The following HIP1 variants were observed in gnomAD, a reference collection of about 807,000 sequenced individuals.
HIP1 encodes huntingtin-interacting protein 1.
A neutral mutation model predicts 147.6 loss-of-function variants in HIP1; 65 were observed. The observed-to-expected ratio is 0.44, with a 90% CI of 0.36 to 0.54. The LOEUF (loss-of-function observed/expected upper bound fraction) is 0.54, where lower values mean the gene tolerates loss of function less well. Among genes scored for constraint, HIP1 ranks in the 20% least tolerant of loss-of-function variants. The pLI, the probability that HIP1 is intolerant of heterozygous loss-of-function variation, is 0.00. For missense variants in HIP1, 1,061 were observed against 1,299.6 expected, an observed-to-expected ratio of 0.82 and a Z score of 2.82; for synonymous variants, 479 against 504.0, an observed-to-expected ratio of 0.95 and a Z score of 0.67.
Position 75,537,674 on chromosome 7 carries a change from T to A in HIP1, c.*498A>T. The A allele has an allele frequency of 4.2e-6, 1 of 235,580 alleles. No homozygotes were observed. Among genetic ancestry groups the A allele is most frequent in the Non-Finnish European group, 8.3e-6 (1 of 119,868 alleles). The allele number at this position is 235,580 out of a possible 1,614,324, so 14.6% of individuals were successfully genotyped here. On this transcript the variant is annotated 3_prime_UTR_variant, in exon 31 of 31. Transcript: ENST00000336926. ...TGCAGATCTCAGGGTAGTGTCCTGG[T>A]TTGGAATCCATCAGCCCTCTGATGC...
intron 1 of HIP1, among the ~76,000 whole-genome samples, chr7:75,727,028 A>C (rs1291808793): frequency 1.3e-5 from 2 of 152,002 alleles, no homozygotes; most frequent in South Asian, 2.1e-4. Context: ...ATGAAGCTGC[A>C]CACCATTTCA....
At chr7:75,610,376 A>T (rs797028917) in intron 1 of HIP1, among the ~76,000 whole-genome samples, 7 of 149,778 alleles carry the variant, frequency 4.7e-5, no homozygotes, top group African/African-American at 1.7e-4. Context: ...CACCCAGCTA[A>T]TTTTTTTGTA....
chr7:75,663,947 T>TATATGTGTATATATATAC (rs1799400540), intron 1 of HIP1, among the ~76,000 whole-genome samples: 1 of 104,426 alleles, frequency 9.6e-6, no homozygotes, highest in South Asian at 3.2e-4. Flanking sequence ...TATATATATA[T>TATATGTGTATATATATAC]ACACATATAT....
chr7:75,607,141 G>A (rs1249746796), intron 1 of HIP1, among the ~76,000 whole-genome samples: 3 of 151,662 alleles, frequency 2.0e-5, no homozygotes, highest in South Asian at 2.1e-4. Flanking sequence ...GGCTTAGGTG[G>A]GAGGATTACT....
At chr7:75,553,325 A>G (rs782027898) in intron 22 of HIP1, 128 bp downstream of exon 22, 7 of 1,234,372 alleles carry the variant, frequency 5.7e-6, no homozygotes, top group Non-Finnish European at 7.9e-6. Context: ...AATTTTAACA[A>G]TCTCTTTCTA....
chr7:75,612,094 G>C (rs893087770), intron 1 of HIP1, among the ~76,000 whole-genome samples: 6 of 152,344 alleles, frequency 3.9e-5, no homozygotes, highest in Admixed American at 1.3e-4. Context: ...GCTCACAAAG[G>C]TCCCACGGCA....
intron 1 of HIP1, among the ~76,000 whole-genome samples, chr7:75,647,075 C>T (rs1554511208): frequency 6.6e-6 from 1 of 151,758 alleles, no homozygotes; most frequent in African/African-American, 2.4e-5. Context: ...CAAAACTGTG[C>T]GTGGACATGG....
chr7:75,582,311 C>T (rs1306926913), intron 5 of HIP1, among the ~76,000 whole-genome samples, 160 bp from the exon 6 acceptor site: 2 of 152,058 alleles, frequency 1.3e-5, no homozygotes, highest in Non-Finnish European at 2.9e-5. Context: ...AAGGCCACTG[C>T]ACTCCAGCTT....
intron 1 of HIP1, among the ~76,000 whole-genome samples, chr7:75,669,234 A>G (rs2905867): frequency 0.7 from 105,986 of 151,742 alleles, 37,341 homozygotes; most frequent in African/African-American, 0.78. Context: ...TTAGGCTGGC[A>G]TGGCGGCGGG....
At chr7:75,555,305 C>T in intron 19 of HIP1, 111 bp downstream of exon 19, 1 of 1,300,874 alleles carries the variant, frequency 7.7e-7, no homozygotes, top group Non-Finnish European at 1.1e-6. Context: ...GTAATGCTGA[C>T]ATGCTGCTGG....
At chr7:75,706,200 T>A (rs1385137859) in intron 1 of HIP1, among the ~76,000 whole-genome samples, 1 of 152,148 alleles carries the variant, frequency 6.6e-6, no homozygotes, top group Non-Finnish European at 1.5e-5. Context: ...CGGGTTACTT[T>A]TAATATTTTG....
In HIP1 at chr7:75,653,842, C is replaced by T. The variant is rs951236040; in HGVS notation, c.121-54595G>A. On this transcript the variant is annotated intron_variant, in intron 1 of 30. Coordinates refer to ENST00000336926, the MANE Select transcript of HIP1 (RefSeq NM_005338.7). ...TTGTTCGTGGCTGAATCCCTGCCTC[C>T]CGAGCTGTGCCTGGCATGGAGCAGA... Among the ~76,000 whole-genome samples, 12 of 152,212 alleles carry T rather than the reference C, an allele frequency of 7.9e-5. No homozygotes were observed. In the East Asian group the frequency reaches 1.2e-3, roughly 15 times the overall value.
intron 1 of HIP1, among the ~76,000 whole-genome samples, chr7:75,642,006 G>T (rs577852804): frequency 1.3e-5 from 2 of 151,982 alleles, no homozygotes; most frequent in African/African-American, 4.8e-5. Flanking sequence ...TAAGACTTTC[G>T]ACAACAGCCT....
At chr7:75,694,262 C>T (rs1457739206) in intron 1 of HIP1, among the ~76,000 whole-genome samples, 1 of 151,904 alleles carries the variant, frequency 6.6e-6, no homozygotes, top group African/African-American at 2.4e-5. Flanking sequence ...CCTCTTTGGA[C>T]GCTTCTGGAA....
At chr7:75,624,989 A>C (rs1797987351) in intron 1 of HIP1, 1 of 145,124 alleles carries the variant, frequency 6.9e-6, no homozygotes, top group African/African-American at 2.6e-5. Context: ...GCTGGAGTGC[A>C]GTGGTGTGAT....
In HIP1 at chr7:75,704,672, T is replaced by G. The variant is rs529819707; in HGVS notation, c.120+34129A>C. 1.4e-4 allele frequency among the ~76,000 whole-genome samples: 21 copies of G among 152,136 alleles called. No individual in the cohort carries two copies. In the East Asian group the frequency reaches 3.3e-3, roughly 24 times the overall value. On this transcript the variant is annotated intron_variant, in intron 1 of 30. Coordinates refer to ENST00000336926, the MANE Select transcript of HIP1 (RefSeq NM_005338.7). Reference sequence around the variant, plus strand: ...ATCTCGACTCACTGCAACCTCCACCTCCCAGGTTCAAGCGATCCTCCCGTC... The same window carrying G: ...ATCTCGACTCACTGCAACCTCCACCGCCCAGGTTCAAGCGATCCTCCCGTC...
At position 75,554,519 on chromosome 7, in the gene HIP1, G is replaced by C; in HGVS notation, c.1971C>G (p.Leu657=). The change falls in exon 20 of 31, where the codon CTC becomes CTG. Residue 657 remains leucine, a synonymous_variant. Transcript: ENST00000336926. The part of the protein sequence containing the change: ...LISCAGSADH[L]LSTVTSISSC... Reference sequence around the variant, plus strand: ...TGGAAATGGATGTGACCGTGGAGAGGAGGTGATCTGTGAGAGGGAACACAG... The same window carrying C: ...TGGAAATGGATGTGACCGTGGAGAGCAGGTGATCTGTGAGAGGGAACACAG... 1 of 1,613,468 alleles carries C rather than the reference G, an allele frequency of 6.2e-7. No homozygotes were observed. The highest frequency in any genetic ancestry group is 8.5e-7 in the Non-Finnish European group (1 of 1,179,600).
chr7:75,591,821 T>C (rs1796510509), intron 4 of HIP1, among the ~76,000 whole-genome samples: 1 of 151,892 alleles, frequency 6.6e-6, no homozygotes, highest in African/African-American at 2.4e-5. Context: ...GAGTTTTCAT[T>C]GGCAGGAGAA....
chr7:75,647,321 C>T (rs1023651411), intron 1 of HIP1, among the ~76,000 whole-genome samples: 3 of 150,808 alleles, frequency 2.0e-5, no homozygotes, highest in African/African-American at 7.3e-5. Context: ...TCGCTTGAAC[C>T]CAGGAAGCAA....
Sources: allele counts gnomAD v4.1 joint callset (sites outside exome capture counted in the v4.1 genomes callset), GRCh38; gene constraint gnomAD v4.1.1; transcripts MANE v1.5; gene names NCBI Gene and HGNC (gene_info 2026-07-23, HGNC 2026-07-21).